Variants in MMP26 observed in about 807,000 individuals in gnomAD.
The protein encoded by MMP26 is matrix metalloproteinase-26.
In MMP26, 33 loss-of-function variants were observed where a neutral mutation model predicts 31.0. The observed-to-expected ratio is 1.06, with a 90% CI of 0.81 to 1.42. The LOEUF is 1.42. MMP26 is among the 40% of genes most tolerant of loss of function. The pLI, the probability that MMP26 is intolerant of heterozygous loss-of-function variation, is 0.00. For synonymous variants in MMP26, 122 were observed against 114.9 expected, an observed-to-expected ratio of 1.06 and a Z score of -0.40; for missense variants, 347 against 316.1, an observed-to-expected ratio of 1.10 and a Z score of -0.74.
At chr11:4,804,546 T>C (rs201486109) in intron 2 of MMP26, 34 of 782,366 alleles carry the variant, frequency 4.3e-5, no homozygotes, top group Non-Finnish European at 9.5e-6. Context: ...TTTTAATAAA[T>C]AATATGTTAC....
At chr11:4,900,786 A>G (rs4910693) in intron 2 of MMP26, among the ~76,000 whole-genome samples, 38,999 of 152,022 alleles carry the variant, frequency 0.26, 6,613 homozygotes, top group South Asian at 0.37. Flanking sequence ...TCTCCTTCCA[A>G]CAGCCTGGTC....
rs1460856096 is a variant in MMP26 at position 4,988,244 on chromosome 11, C to G, written c.33C>G (p.Phe11Leu). The stretch of plus-strand genomic sequence containing the variant: ...TCGTCATCTTAAGAGTTACTATCTT[C>G]TTGCCCTGGTGTTTCGCCGTTCCAG... MQLVILRVTI[F>L]LPWCFAVPVP... Residue 11 changes from phenylalanine to leucine, a missense_variant, in exon 3 of 8, where the codon TTC becomes TTG. Phe to Leu is a conservative substitution (Grantham distance 22, BLOSUM62 0). Transcript: ENST00000380390. 6.2e-7 allele frequency: 1 copy of G among 1,614,118 alleles called. No homozygotes were observed. Among genetic ancestry groups the G allele is most frequent in the South Asian group, 1.1e-5 (1 of 91,080 alleles).
At chr11:4,750,169 G>A (rs1463405732) in intron 1 of MMP26, among the ~76,000 whole-genome samples, 2 of 151,978 alleles carry the variant, frequency 1.3e-5, no homozygotes, top group Middle Eastern at 3.2e-3. Context: ...TGGCCAACAA[G>A]CTTATGAAAA....
At chr11:4,720,862 G>C (rs1252841858) in intron 1 of MMP26, among the ~76,000 whole-genome samples, 1 of 152,168 alleles carries the variant, frequency 6.6e-6, no homozygotes, top group Admixed American at 6.5e-5. Context: ...TGAGACTTAG[G>C]TCCCTGAATA....
chr11:4,983,382 A>C (rs1042437136), intron 2 of MMP26, among the ~76,000 whole-genome samples: 9 of 152,364 alleles, frequency 5.9e-5, no homozygotes, highest in African/African-American at 1.7e-4. Context: ...CTTCTCCAGA[A>C]GAGCTGCCAG....
At chr11:4,791,661 A>G (rs934417852) in intron 2 of MMP26, among the ~76,000 whole-genome samples, 4 of 151,904 alleles carry the variant, frequency 2.6e-5, no homozygotes, top group African/African-American at 9.7e-5. Context: ...GAGGTTCTTA[A>G]GAGTGTAGAG....
intron 2 of MMP26, among the ~76,000 whole-genome samples, chr11:4,938,747 A>T (rs987369602): frequency 4.6e-5 from 7 of 152,186 alleles, no homozygotes; most frequent in African/African-American, 1.7e-4. Context: ...TTCATGAATT[A>T]TCCCAAACCT....
intron 2 of MMP26, chr11:4,803,837 A>C: frequency 6.2e-7 from 1 of 1,613,122 alleles, no homozygotes; most frequent in South Asian, 1.1e-5. Flanking sequence ...ATGTGCTCAC[A>C]GTATGACTGG....
chr11:4,845,331 T>A (rs1363833476), intron 2 of MMP26, among the ~76,000 whole-genome samples: 1 of 152,152 alleles, frequency 6.6e-6, no homozygotes, highest in Non-Finnish European at 1.5e-5. Flanking sequence ...GTCCATACCG[T>A]CCAAAGCACT....
At chr11:4,896,996 G>C (rs184415744) in intron 2 of MMP26, among the ~76,000 whole-genome samples, 2 of 151,698 alleles carry the variant, frequency 1.3e-5, no homozygotes, top group African/African-American at 4.8e-5. Flanking sequence ...GTCCATTTTT[G>C]CTAGTAATAG....
chr11:4,763,228 T>C (rs1476901824), intron 1 of MMP26, among the ~76,000 whole-genome samples: 1 of 152,060 alleles, frequency 6.6e-6, no homozygotes, highest in Non-Finnish European at 1.5e-5. Context: ...CGTTACCAGT[T>C]TGAATGGTGA....
At chr11:4,833,619 C>G (rs909304209) in intron 2 of MMP26, among the ~76,000 whole-genome samples, 8 of 152,202 alleles carry the variant, frequency 5.3e-5, no homozygotes, top group African/African-American at 1.4e-4. Context: ...AATCTCATGT[C>G]CTGCTGCAAG....
At chr11:4,800,119 C>A (rs1394776877) in intron 2 of MMP26, among the ~76,000 whole-genome samples, 3 of 152,182 alleles carry the variant, frequency 2.0e-5, no homozygotes, top group African/African-American at 7.2e-5. Context: ...AGTCAGTGGC[C>A]CAGTGGAGAC....
chr11:4,960,402 T>G (rs1373178820), intron 2 of MMP26, among the ~76,000 whole-genome samples: 1 of 151,866 alleles, frequency 6.6e-6, no homozygotes, highest in Non-Finnish European at 1.5e-5. Context: ...ACCTCAACTG[T>G]CAAACATCTT....
At position 4,771,521 on chromosome 11, in the gene MMP26, G is replaced by C. The variant is rs552929554; in HGVS notation, c.-145+4180G>C. ...GCTCAGTAAACAGAAATGCTATATC[G>C]CCTCTTTCAAGTAAAATTCCAAGAA... On this transcript the variant is annotated intron_variant, in intron 2 of 7. Transcript: ENST00000380390. 2.4e-4 allele frequency among the ~76,000 whole-genome samples: 37 copies of C among 152,164 alleles called. 2 individuals carry two copies. The highest frequency in any genetic ancestry group is 8.7e-4 in the African/African-American group (36 of 41,504).
In MMP26 at chr11:4,988,084, CA is replaced by C; in HGVS notation, c.-127del. ...CCTCAGCAGGTATGGATGATGACGCCACTCACAGATTCAAAGAAAGGGCAAA... is the reference window on the plus strand; with the variant it reads ...CCTCAGCAGGTATGGATGATGACGCCCTCACAGATTCAAAGAAAGGGCAAA... On this transcript the variant is annotated 5_prime_UTR_variant, in exon 3 of 8. It introduces an in-frame stop codon into an upstream open reading frame of the 5' UTR. Transcript: ENST00000380390. 1.3e-6 allele frequency: 1 copy of C among 797,302 alleles called. No individual in the cohort carries two copies. Among genetic ancestry groups the C allele is most frequent in the Non-Finnish European group, 2.2e-6 (1 of 450,500 alleles). 49.4% of individuals were successfully genotyped at this position (797,302 alleles called of 1,614,324 possible).
chr11:4,758,583 T>G (rs1464005543), intron 1 of MMP26, among the ~76,000 whole-genome samples: 1 of 151,358 alleles, frequency 6.6e-6, no homozygotes, highest in East Asian at 1.9e-4. Context: ...TAGAATAAAA[T>G]GCAGGTAAAT....
intron 2 of MMP26, chr11:4,947,063 G>C (rs1372576301): frequency 6.4e-7 from 1 of 1,558,758 alleles, no homozygotes; most frequent in African/African-American, 1.4e-5. Flanking sequence ...CAAGAAGAAG[G>C]TGGTGATTTC....
intron 2 of MMP26, among the ~76,000 whole-genome samples, chr11:4,896,652 GCTT>G (rs779841776): frequency 5.9e-5 from 9 of 152,106 alleles, no homozygotes; most frequent in Non-Finnish European, 1.3e-4. Context: ...CTTTGCTGCT[GCTT>G]CTTTTTTCTT....
Sources: allele counts gnomAD v4.1 joint callset (sites outside exome capture counted in the v4.1 genomes callset), GRCh38; gene constraint gnomAD v4.1.1; transcripts MANE v1.5; gene names NCBI Gene and HGNC (gene_info 2026-07-23, HGNC 2026-07-21).